POLR1A: variants seen among roughly 807,000 people sequenced by gnomAD.
POLR1A encodes the protein RNA polymerase I subunit A.
POLR1A carries 84 observed loss-of-function variants against 205.3 expected under a neutral mutation model. The ratio of observed to expected loss-of-function variants is 0.41; its 90% CI spans 0.34 to 0.49. The LOEUF (loss-of-function observed/expected upper bound fraction) is 0.49, where lower values mean the gene tolerates loss of function less well. Ranked by LOEUF, POLR1A falls within the 20% of genes least tolerant of loss-of-function variation. The pLI, the probability that POLR1A is intolerant of heterozygous loss-of-function variation, is 0.22. For synonymous variants in POLR1A, 799 were observed against 863.7 expected (o/e 0.93, Z 1.31); for missense variants, 1,645 against 2,204.5 (o/e 0.75, Z 5.08).
At chr2:86,035,156 C>T (rs1672471261) in intron 27 of POLR1A, among the ~76,000 whole-genome samples, 1 of 152,168 alleles carries the variant, frequency 6.6e-6, no homozygotes, top group South Asian at 2.1e-4. Context: ...CAAGGGTAAG[C>T]CACTGCACCC....
chr2:86,095,337 T>C (rs1573836182), intron 3 of POLR1A, among the ~76,000 whole-genome samples: 1 of 152,266 alleles, frequency 6.6e-6, no homozygotes, highest in South Asian at 2.1e-4. Flanking sequence ...CACAGTAATG[T>C]AGATCCTAGC....
At position 86,032,271 on chromosome 2, in the gene POLR1A, C is replaced by T; in HGVS notation, c.4272+1G>A. On this transcript the variant is annotated splice_donor_variant, in intron 29 of 33. Coordinates refer to ENST00000263857, the MANE Select transcript of POLR1A (RefSeq NM_015425.6). LOFTEE classifies it high-confidence loss of function. The stretch of plus-strand genomic sequence containing the variant: ...CCTTCACCCCACACAGGGTCTCTCA[C>T]CTCCTCCTCCTGCTTCTCCTTGCGT... 1 of 1,596,998 alleles carries T rather than the reference C, an allele frequency of 6.3e-7. No homozygotes were observed.
At chr2:86,068,811 G>T (rs1673128401) in intron 13 of POLR1A, among the ~76,000 whole-genome samples, 1 of 152,210 alleles carries the variant, frequency 6.6e-6, no homozygotes, top group African/African-American at 2.4e-5. Flanking sequence ...GTGGGAAAAG[G>T]GTCCGGGATG....
intron 26 of POLR1A, 139 bp downstream of exon 26, chr2:86,039,188 T>C: frequency 2.2e-6 from 2 of 914,866 alleles, no homozygotes; most frequent in Non-Finnish European, 3.4e-6. Flanking sequence ...GCTCAGCACC[T>C]GGCAGAGACA....
At chr2:86,073,986 C>T (rs1054683052) in intron 12 of POLR1A, among the ~76,000 whole-genome samples, 2 of 152,228 alleles carry the variant, frequency 1.3e-5, no homozygotes, top group Non-Finnish European at 2.9e-5. Flanking sequence ...AACCTTACTT[C>T]GTGCACTAGA....
intron 8 of POLR1A, among the ~76,000 whole-genome samples, 154 bp downstream of exon 8, chr2:86,081,447 G>T (rs557046275): frequency 1.3e-5 from 2 of 151,986 alleles, no homozygotes; most frequent in East Asian, 3.9e-4. Context: ...ACAACAAACG[G>T]GAAGGAAAGC....
In POLR1A at chr2:86,024,608, T is replaced by G. The variant is rs1032132634; in HGVS notation, c.*2815A>C. On this transcript the variant is annotated 3_prime_UTR_variant, in exon 34 of 34. Transcript: ENST00000263857. ...CCAAAAAAGAGACACTAAAAAAAAT[T>G]AACTGGCCAGGCACGGTGGCTCACA... 1 of 152,070 alleles carries G rather than the reference T, an allele frequency of 6.6e-6. No individual in the cohort carries two copies. Among genetic ancestry groups the G allele is most frequent in the African/African-American group, 2.4e-5 (1 of 41,396 alleles). 9.4% of individuals were successfully genotyped at this position (152,070 alleles called of 1,614,324 possible).
intron 27 of POLR1A, among the ~76,000 whole-genome samples, chr2:86,037,426 G>T (rs1202980646): frequency 6.6e-6 from 1 of 152,272 alleles, no homozygotes. Flanking sequence ...ACAGAGGGCT[G>T]GCTCGAGGCC....
chr2:86,057,811 C>A (rs925026876), intron 14 of POLR1A, among the ~76,000 whole-genome samples: 1 of 152,184 alleles, frequency 6.6e-6, no homozygotes, highest in Non-Finnish European at 1.5e-5. Flanking sequence ...TTGGGACTGA[C>A]TGCTGTACCT....
chr2:86,070,285 T>C lies in POLR1A; in HGVS notation c.1612-13A>G, dbSNP rs2104412963. On this transcript the variant is annotated splice_polypyrimidine_tract_variant and intron_variant, in intron 12 of 33. Transcript: ENST00000263857. This position sits in a 1 kb window ranked among gnomAD's most constrained non-coding sequence, Gnocchi z 4.4. ...CATGCCGGCACACCTGGGAACAGAGTGGACAGGTGGGTGATCAGTGCAAAC... is the reference window on the plus strand; with the variant it reads ...CATGCCGGCACACCTGGGAACAGAGCGGACAGGTGGGTGATCAGTGCAAAC... 2 of 1,595,802 alleles carry C rather than the reference T, an allele frequency of 1.3e-6. No individual in the cohort carries two copies. Among genetic ancestry groups the C allele is most frequent in the African/African-American group, 1.3e-5 (1 of 74,732 alleles).
intron 3 of POLR1A, among the ~76,000 whole-genome samples, chr2:86,095,929 C>A (rs997823655): frequency 6.6e-6 from 1 of 152,004 alleles, no homozygotes. Flanking sequence ...GGGGTTTCTT[C>A]GTGTTAGCTA....
chr2:86,100,028 A>G lies in POLR1A; in HGVS notation c.222T>C (p.Cys74=), dbSNP rs755310962. 15 of 1,614,138 alleles carry G rather than the reference A, an allele frequency of 9.3e-6. No homozygotes were observed. Among genetic ancestry groups the G allele is most frequent in the Non-Finnish European group, 1.3e-5 (15 of 1,180,010 alleles). The change falls in exon 2 of 34, where the codon TGT becomes TGC. Residue 74 remains cysteine (C), a synonymous_variant. Transcript: ENST00000263857. ...CSTCVQDFSN[C]SGHLGHIELP... is the part of the protein sequence containing the mutation. ...GCTCAATGTGGCCCAGGTGCCCAGA[A>G]CAGTTGCTGAAGTCCTGCACGCAGG...
chr2:86,072,410 G>A (rs1343771750), intron 12 of POLR1A, among the ~76,000 whole-genome samples: 1 of 152,196 alleles, frequency 6.6e-6, no homozygotes, highest in Non-Finnish European at 1.5e-5. Flanking sequence ...AGCCAGGCTG[G>A]GCCTAGGATT....
chr2:86,078,316 T>C (rs1037988744), intron 9 of POLR1A, 32 bp from the exon 10 acceptor site: 7 of 1,539,484 alleles, frequency 4.5e-6, no homozygotes, highest in African/African-American at 2.8e-5. Context: ...ACAGGGATGA[T>C]GGAAAAAAGC....
chr2:86,099,228 G>A (rs947322728), intron 2 of POLR1A, among the ~76,000 whole-genome samples: 3 of 151,822 alleles, frequency 2.0e-5, no homozygotes, highest in South Asian at 2.1e-4. Context: ...ATGGTGGTGC[G>A]TGCCTGTAAT....
chr2:86,065,332 C>T lies in POLR1A; in HGVS notation c.2000G>A (p.Arg667His), dbSNP rs551886268. 1.7e-4 allele frequency: 277 copies of T among 1,614,112 alleles called. No homozygotes were observed. The highest frequency in any genetic ancestry group is 5.3e-4 in the East Asian group (24 of 44,882). Residue 667 changes from arginine to histidine, a missense_variant, in exon 14 of 34, where the codon CGC becomes CAC. By Grantham distance (29) the Arg-to-His change is conservative. This residue lies in a region of POLR1A where 339 missense variants were observed against 415.1 expected (regional missense o/e 0.82). Transcript: ENST00000263857. ...VYRGLTDKVG[R>H]VKLLSPSILK... ...GATGGAAGGAGAAAGGAGCTTCACG[C>T]GCCCCACTTTGTCCGTGAGTCCTCG...
intron 12 of POLR1A, among the ~76,000 whole-genome samples, chr2:86,074,083 T>A (rs1673235332): frequency 6.6e-6 from 1 of 152,216 alleles, no homozygotes; most frequent in Admixed American, 6.5e-5. Flanking sequence ...GTATTACTGC[T>A]GCCCCTCAGG....
Position 86,026,894 on chromosome 2 carries a change from C to A in POLR1A, c.*529G>T, listed in dbSNP as rs923985410. 5.3e-5 allele frequency: 9 copies of A among 168,302 alleles called. No homozygotes were observed. The highest frequency in any genetic ancestry group is 2.1e-4 in the African/African-American group (9 of 41,916). 10.4% of individuals were successfully genotyped at this position (168,302 alleles called of 1,614,324 possible). ...ATGGGGACTCTTTGTGGACTCTGCCCCCAGGGGCTGGAGCAGCCGGAAGGA... is the reference window on the plus strand; with the variant it reads ...ATGGGGACTCTTTGTGGACTCTGCCACCAGGGGCTGGAGCAGCCGGAAGGA... On this transcript the variant is annotated 3_prime_UTR_variant, in exon 34 of 34. Coordinates refer to ENST00000263857, the MANE Select transcript of POLR1A (RefSeq NM_015425.6).
chr2:86,043,326 G>A (rs879508509), intron 22 of POLR1A, 131 bp from the exon 23 acceptor site: 2 of 700,214 alleles, frequency 2.9e-6, no homozygotes, highest in Admixed American at 2.4e-5. Flanking sequence ...CTCATGATGG[G>A]GCCGAGCACC....
Sources: gnomAD v4.1 joint callset for allele counts (sites outside exome capture counted in the v4.1 genomes callset) on GRCh38, gnomAD v4.1.1 for gene constraint, gnomAD v4.1.1 regional missense constraint, Gnocchi (gnomAD v3.1) non-coding constraint, MANE v1.5 for transcripts, NCBI Gene and HGNC (gene_info 2026-07-23, HGNC 2026-07-21) for gene names.